Variants in COL6A3 observed in about 807,000 individuals in gnomAD.
COL6A3 encodes the protein collagen type VI alpha 3 chain.
Under a neutral mutation model 274.1 loss-of-function variants are expected in COL6A3, and 137 were observed. That is an observed-to-expected ratio of 0.50 (90% confidence interval 0.44 to 0.58). The LOEUF is 0.58. COL6A3 is among the 20% of genes least tolerant of loss of function. The pLI, the probability that COL6A3 is intolerant of heterozygous loss-of-function variation, is 0.00. For synonymous variants in COL6A3, 1,650 were observed against 1,650.6 expected, an observed-to-expected ratio of 1.00 and a Z score of 0.01; for missense variants, 3,950 against 4,124.9, an observed-to-expected ratio of 0.96 and a Z score of 1.16.
intron 22 of COL6A3, 52 bp downstream of exon 22, chr2:237,357,764 TC>T: frequency 6.4e-7 from 1 of 1,567,952 alleles, no homozygotes; most frequent in South Asian, 1.1e-5. Context: ...GAGAAGTGTG[TC>T]CTTTCTCTTG....
chr2:237,350,319 C>A, intron 27 of COL6A3, 110 bp from the exon 28 acceptor site: 1 of 929,400 alleles, frequency 1.1e-6, no homozygotes, highest in Non-Finnish European at 1.7e-6. Context: ...CTGACTTCAC[C>A]TTTGAGATTT....
chr2:237,360,324 C>G (rs2077407024), intron 16 of COL6A3, among the ~76,000 whole-genome samples, 165 bp from the exon 17 acceptor site: 1 of 152,168 alleles, frequency 6.6e-6, no homozygotes, highest in South Asian at 2.1e-4. Flanking sequence ...GCCTCTTGGG[C>G]CCCTGCATGA....
intron 22 of COL6A3, among the ~76,000 whole-genome samples, 163 bp downstream of exon 22, chr2:237,357,654 T>A (rs2077347239): frequency 6.6e-6 from 1 of 152,188 alleles, no homozygotes; most frequent in Admixed American, 6.5e-5. Context: ...TCACTCTGGT[T>A]CCCCACGGAG....
At chr2:237,352,817 G>A (rs2077235387) in intron 25 of COL6A3, among the ~76,000 whole-genome samples, 1 of 152,196 alleles carries the variant, frequency 6.6e-6, no homozygotes, top group South Asian at 2.1e-4. Context: ...AGACAAAAAC[G>A]TGTAGGAGAA....
chr2:237,373,481 C>G (rs1227470931), intron 8 of COL6A3, among the ~76,000 whole-genome samples: 1 of 152,164 alleles, frequency 6.6e-6, no homozygotes, highest in Non-Finnish European at 1.5e-5. Flanking sequence ...GCTCTCTTCC[C>G]CAGGCACCAG....
intron 40 of COL6A3, among the ~76,000 whole-genome samples, chr2:237,335,209 G>A (rs528440789): frequency 1.4e-4 from 21 of 152,178 alleles, no homozygotes; most frequent in African/African-American, 5.1e-4. Context: ...TACAAAATGA[G>A]CCCCATAATT....
chr2:237,385,680 C>G (rs531065934), intron 4 of COL6A3, among the ~76,000 whole-genome samples: 2 of 152,306 alleles, frequency 1.3e-5, no homozygotes, highest in East Asian at 3.9e-4. Flanking sequence ...TCAGAGAAAC[C>G]TCAGCAGGTC....
chr2:237,361,978 G>A lies in COL6A3; in HGVS notation c.6064-147C>T, dbSNP rs369790891. 3.3e-5 allele frequency: 26 copies of A among 787,372 alleles called. No individual in the cohort carries two copies. The highest frequency in any genetic ancestry group is 1.6e-4 in the East Asian group (6 of 37,536). 48.8% of individuals were successfully genotyped at this position (787,372 alleles called of 1,614,324 possible). On this transcript the variant is annotated intron_variant, in intron 14 of 43. Transcript: ENST00000295550. This position sits in a 1 kb window ranked among gnomAD's most constrained non-coding sequence, Gnocchi z 5.1. The stretch of plus-strand genomic sequence containing the variant: ...TCCAGGTGACATTTGCTGGACGACT[G>A]ACGATATGATAGAAATTGCCAGCGA...
At chr2:237,384,096 A>T (rs571418308) in intron 4 of COL6A3, among the ~76,000 whole-genome samples, 1 of 152,262 alleles carries the variant, frequency 6.6e-6, no homozygotes, top group Non-Finnish European at 1.5e-5. Flanking sequence ...CTGGAAGAAT[A>T]ACTGAATTCC....
chr2:237,379,200 C>A lies in COL6A3; in HGVS notation c.1933G>T (p.Asp645Tyr). ...SNKRDIIFLL[D>Y]GSANVGKTNF... ...GTTTTTCCAACGTTGGCTGATCCATCCAAAAGAAAGATGATATCCCTTTTG... is the reference window on the plus strand; with the variant it reads ...GTTTTTCCAACGTTGGCTGATCCATACAAAAGAAAGATGATATCCCTTTTG... The change falls in exon 6 of 44, where the codon GAT becomes TAT. Residue 645 changes from aspartate to tyrosine, a missense_variant. This residue lies in a region of COL6A3 where 1,934 missense variants were observed against 1,984.3 expected (regional missense o/e 0.97). Transcript: ENST00000295550. The A allele has an allele frequency of 6.2e-7, 1 of 1,614,134 alleles. No individual in the cohort carries two copies. The highest frequency in any genetic ancestry group is 8.5e-7 in the Non-Finnish European group (1 of 1,180,018).
chr2:237,368,931 C>A lies in COL6A3; in HGVS notation c.4532G>T (p.Gly1511Val), dbSNP rs1356579932. 1.2e-6 allele frequency: 2 copies of A among 1,614,176 alleles called. No individual in the cohort carries two copies. The highest frequency in any genetic ancestry group is 2.2e-5 in the South Asian group (2 of 91,078). Residue 1511 changes from glycine to valine, a missense_variant, in exon 10 of 44, where the codon GGG becomes GTG. Transcript: ENST00000295550. This position sits in a 1 kb window ranked among gnomAD's most constrained non-coding sequence, Gnocchi z 4.4. ...AGCCTTGCCAGTGTTCAGTGGGGAC[C>A]CCCCTCTGAGCCTCAGGCGCCGTAT... The part of the protein sequence containing the change: ...DAIRRLRLRG[G>V]SPLNTGKALE...
chr2:237,403,744 G>A (rs879781482), intron 1 of COL6A3, among the ~76,000 whole-genome samples: 23 of 151,880 alleles, frequency 1.5e-4, no homozygotes, highest in Non-Finnish European at 3.2e-4. Context: ...TAGCCCGGTC[G>A]CAGCACAGCA....
Position 237,377,219 on chromosome 2 carries a change from T to C in COL6A3, c.2623A>G (p.Ile875Val), listed in dbSNP as rs1325325565. The change falls in exon 7 of 44, where the codon ATT (isoleucine) becomes GTT (valine). Residue 875 changes from isoleucine to valine, a missense_variant. Coordinates refer to ENST00000295550, the MANE Select transcript of COL6A3 (RefSeq NM_004369.4). The part of the protein sequence containing the change: ...ELNVKPEGTR[I>V]AVAQYSDDVK... ...TCATCGCTGTACTGAGCCACCGCAA[T>C]TCGGGTCCCCTCTGGCTTCACATTG... is the stretch of plus-strand genomic sequence containing the variant. The C allele has an allele frequency of 1.9e-6, 3 of 1,613,618 alleles. No homozygotes were observed. In the South Asian group the frequency reaches 3.3e-5, roughly 18 times the overall value.
intron 21 of COL6A3, 62 bp from the exon 22 acceptor site, chr2:237,357,944 C>T (rs2077353714): frequency 2.7e-6 from 4 of 1,476,070 alleles, no homozygotes; most frequent in Admixed American, 3.3e-5. Context: ...TGCCACTGGA[C>T]TGGATGGTCA....
chr2:237,324,707 A>T lies in COL6A3; in HGVS notation c.*67T>A. ...AAGGGAATCTACACCCGGAGCTTCT[A>T]CAGAGACAAGTTGGCGATGGCTGAC... On this transcript the variant is annotated 3_prime_UTR_variant, in exon 44 of 44. Transcript: ENST00000295550. The T allele has an allele frequency of 1.3e-6, 2 of 1,496,692 alleles. No individual in the cohort carries two copies. Among genetic ancestry groups the T allele is most frequent in the Non-Finnish European group, 9.3e-7 (1 of 1,074,164 alleles). 92.7% of individuals were successfully genotyped at this position (1,496,692 alleles called of 1,614,324 possible). A position where few individuals can be genotyped will look rare whatever the true frequency, so the allele number is the denominator to read the frequency against.
At position 237,377,120 on chromosome 2, in the gene COL6A3, T is replaced by A. The variant is rs1370199768; in HGVS notation, c.2722A>T (p.Ile908Phe). 1.9e-6 allele frequency: 3 copies of A among 1,614,108 alleles called. No individual in the cohort carries two copies. The highest frequency in any genetic ancestry group is 2.7e-5 in the African/African-American group (2 of 74,918). The stretch of plus-strand genomic sequence containing the variant: ...AGGTTGAGGGCTTTGCCCGTCTTGA[T>A]CTTCATTCTCTTCACAAGATTCAGG... ...EILNLVKRMK[I>F]KTGKALNLGY... The change falls in exon 7 of 44, where the codon ATC becomes TTC. Residue 908 changes from isoleucine (I) to phenylalanine (F), a missense_variant. By Grantham distance (21) the Ile-to-Phe change is conservative (BLOSUM62 0). Coordinates refer to ENST00000295550, the MANE Select transcript of COL6A3 (RefSeq NM_004369.4).
chr2:237,383,002 C>A (rs956407645), intron 4 of COL6A3, among the ~76,000 whole-genome samples: 1 of 152,056 alleles, frequency 6.6e-6, no homozygotes, highest in African/African-American at 2.4e-5. Flanking sequence ...TTTCACCATG[C>A]TGGTCAGGCT....
chr2:237,362,590 T>C (rs996887970), intron 14 of COL6A3, among the ~76,000 whole-genome samples: 3 of 152,222 alleles, frequency 2.0e-5, no homozygotes, highest in Admixed American at 2.0e-4. Context: ...ATTCTAACCC[T>C]GCAAAGAAGT....
intron 1 of COL6A3, among the ~76,000 whole-genome samples, chr2:237,410,570 G>A (rs1197890581): frequency 6.6e-6 from 1 of 152,086 alleles, no homozygotes; most frequent in Non-Finnish European, 1.5e-5. Flanking sequence ...CTCCCAAAGT[G>A]CTGGGATTAC....
Sources: allele counts gnomAD v4.1 joint callset (sites outside exome capture counted in the v4.1 genomes callset), GRCh38; gene constraint gnomAD v4.1.1; regional missense constraint gnomAD v4.1.1; non-coding constraint Gnocchi (gnomAD v3.1); transcripts MANE v1.5; gene names NCBI Gene and HGNC (gene_info 2026-07-23, HGNC 2026-07-21).